PRICKLE1: variants seen among roughly 807,000 people sequenced by gnomAD.
The protein encoded by PRICKLE1 is prickle-like protein 1.
A neutral mutation model predicts 70.2 loss-of-function variants in PRICKLE1; 14 were observed. The ratio of observed to expected loss-of-function variants is 0.20; its 90% CI spans 0.13 to 0.31. The LOEUF (loss-of-function observed/expected upper bound fraction) is 0.31. PRICKLE1 is among the 10% of genes least tolerant of loss of function. The probability of loss-of-function intolerance (pLI) is 1.00; values close to 1 mark genes in which losing one functional copy is unlikely to be tolerated. For synonymous variants in PRICKLE1, 357 were observed against 379.9 expected (o/e 0.94, Z 0.70); for missense variants, 821 against 1,026.2 (o/e 0.80, Z 2.73).
At chr12:42,552,059 CTTTTTTTTT>C (rs201217516) in intron 1 of PRICKLE1, among the ~76,000 whole-genome samples, 9 of 129,242 alleles carry the variant, frequency 7.0e-5, no homozygotes, top group Non-Finnish European at 8.0e-5. Context: ...AAGAAAGTTA[CTTTTTTTTT>C]TTTTTTTTTT....
At chr12:42,505,971 G>A (rs1391843787) in intron 1 of PRICKLE1, among the ~76,000 whole-genome samples, 2 of 152,102 alleles carry the variant, frequency 1.3e-5, no homozygotes, top group Non-Finnish European at 2.9e-5. Flanking sequence ...CATTCACTTT[G>A]GTTACCAGCT....
Position 42,469,494 on chromosome 12 carries a change from T to C in PRICKLE1, c.340A>G (p.Ile114Val). Residue 114 changes from isoleucine to valine, a missense_variant, in exon 4 of 8, where the codon ATT becomes GTT. By Grantham distance (29) the Ile-to-Val change is conservative. Coordinates refer to ENST00000345127, the MANE Select transcript of PRICKLE1 (RefSeq NM_153026.3). ...RKKEALGRGT[I>V]KLLSRAVMHA... ...ATGACTGCTCTGGACAGAAGCTTAATTGTTCCTCTTCCCAGTGCTTCTTTC... is the reference window on the plus strand; with the variant it reads ...ATGACTGCTCTGGACAGAAGCTTAACTGTTCCTCTTCCCAGTGCTTCTTTC... 6.2e-7 allele frequency: 1 copy of C among 1,614,182 alleles called. No homozygotes were observed. The highest frequency in any genetic ancestry group is 8.5e-7 in the Non-Finnish European group (1 of 1,180,038).
intron 1 of PRICKLE1, among the ~76,000 whole-genome samples, chr12:42,520,850 T>C (rs1325131596): frequency 1.3e-5 from 2 of 152,162 alleles, no homozygotes; most frequent in Non-Finnish European, 2.9e-5. Flanking sequence ...TGTGCTCACA[T>C]CTATTGACAG....
At chr12:42,481,395 G>T (rs1430359958) in intron 1 of PRICKLE1, among the ~76,000 whole-genome samples, 1 of 152,152 alleles carries the variant, frequency 6.6e-6, no homozygotes, top group South Asian at 2.1e-4. Context: ...CCATGGCATT[G>T]TAAGATCCCT....
intron 1 of PRICKLE1, among the ~76,000 whole-genome samples, chr12:42,569,957 G>A (rs937594673): frequency 1.1e-4 from 16 of 152,194 alleles, no homozygotes; most frequent in African/African-American, 3.1e-4. Flanking sequence ...AGTGACCCCC[G>A]GCACTTCTTT....
At chr12:42,531,960 G>C (rs1409641539) in intron 1 of PRICKLE1, among the ~76,000 whole-genome samples, 1 of 152,112 alleles carries the variant, frequency 6.6e-6, no homozygotes, top group Non-Finnish European at 1.5e-5. Context: ...GAGTTCAAGA[G>C]CAGTCTGGGC....
intron 1 of PRICKLE1, among the ~76,000 whole-genome samples, chr12:42,540,680 A>T (rs1169927389): frequency 6.6e-6 from 1 of 152,128 alleles, no homozygotes; most frequent in Non-Finnish European, 1.5e-5. Flanking sequence ...CTCCTGCCTC[A>T]GCCTCCCAAG....
intron 1 of PRICKLE1, among the ~76,000 whole-genome samples, chr12:42,492,788 T>C (rs1483641413): frequency 6.6e-6 from 1 of 152,222 alleles, no homozygotes; most frequent in Non-Finnish European, 1.5e-5. Context: ...CTCTTGAACA[T>C]TGAGTCTGCG....
Position 42,589,574 on chromosome 12 carries a change from G to C in PRICKLE1, c.-158C>G, listed in dbSNP as rs1313743784. The C allele has an allele frequency of 1.3e-5, 2 of 154,328 alleles. No homozygotes were observed. Among genetic ancestry groups the C allele is most frequent in the Admixed American group, 1.3e-4 (2 of 15,306 alleles). 9.6% of individuals were successfully genotyped at this position (154,328 alleles called of 1,614,324 possible). ...GCTGCGGTCCGCGGCGTCAGGGGTG[G>C]GCGAGGGTGAGCAGCGCACGAACCA... On this transcript the variant is annotated 5_prime_UTR_variant, in exon 1 of 8. Transcript: ENST00000345127. This position sits in a 1 kb window ranked among gnomAD's most constrained non-coding sequence, Gnocchi z 5.0.
chr12:42,574,008 T>C (rs1005113233), intron 1 of PRICKLE1, among the ~76,000 whole-genome samples: 5 of 152,088 alleles, frequency 3.3e-5, no homozygotes, highest in Non-Finnish European at 1.5e-5. Flanking sequence ...GTTTTCAAGC[T>C]GTGTTCAAGG....
chr12:42,508,275 A>G (rs1939453572), intron 1 of PRICKLE1, among the ~76,000 whole-genome samples: 1 of 152,176 alleles, frequency 6.6e-6, no homozygotes, highest in African/African-American at 2.4e-5. Flanking sequence ...GCTTTATTAT[A>G]TCGGCAATAA....
chr12:42,483,491 G>A (rs1431936901), intron 1 of PRICKLE1: 1 of 152,024 alleles, frequency 6.6e-6, no homozygotes, highest in Admixed American at 6.6e-5. Flanking sequence ...CTGGCGGCCC[G>A]GAGCGGGAGC....
intron 1 of PRICKLE1, among the ~76,000 whole-genome samples, chr12:42,495,400 AAG>A (rs1214248453): frequency 1.4e-4 from 19 of 136,556 alleles, no homozygotes; most frequent in East Asian, 9.4e-4. Context: ...AAAAAAAAAA[AAG>A]AGAGAGAGAG....
chr12:42,523,345 T>G (rs566601410), intron 1 of PRICKLE1, among the ~76,000 whole-genome samples: 1 of 152,374 alleles, frequency 6.6e-6, no homozygotes, highest in Non-Finnish European at 1.5e-5. Context: ...TCTGAATTTT[T>G]CTGCAGCCAA....
intron 1 of PRICKLE1, among the ~76,000 whole-genome samples, chr12:42,535,874 A>G (rs1435092410): frequency 2.0e-5 from 3 of 152,256 alleles, no homozygotes; most frequent in African/African-American, 7.2e-5. Flanking sequence ...TGTTTAATGT[A>G]TATGACGATC....
At chr12:42,468,396 G>T (rs1938184538) in intron 5 of PRICKLE1, among the ~76,000 whole-genome samples, 2 of 152,082 alleles carry the variant, frequency 1.3e-5, no homozygotes, top group Admixed American at 6.5e-5. Flanking sequence ...CTTTCTATCA[G>T]GAAGGTGAAA....
At chr12:42,588,606 C>A (rs1192323371) in intron 1 of PRICKLE1, among the ~76,000 whole-genome samples, 1 of 151,840 alleles carries the variant, frequency 6.6e-6, no homozygotes, top group Middle Eastern at 3.2e-3. Flanking sequence ...AAATCAGCAA[C>A]CAAACGCGTT....
intron 1 of PRICKLE1, among the ~76,000 whole-genome samples, chr12:42,498,382 T>C (rs560283774): frequency 6.6e-6 from 1 of 151,154 alleles, no homozygotes; most frequent in Non-Finnish European, 1.5e-5. Context: ...CCATGTTGTC[T>C]AGCCTGGTAT....
chr12:42,524,521 C>T (rs1453754059), intron 1 of PRICKLE1, among the ~76,000 whole-genome samples: 1 of 152,166 alleles, frequency 6.6e-6, no homozygotes, highest in Non-Finnish European at 1.5e-5. Context: ...TCAAGCGATT[C>T]TCCTGCCAGC....
Sources: gnomAD v4.1 joint callset for allele counts (sites outside exome capture counted in the v4.1 genomes callset) on GRCh38, gnomAD v4.1.1 for gene constraint, Gnocchi (gnomAD v3.1) non-coding constraint, MANE v1.5 for transcripts, NCBI Gene and HGNC (gene_info 2026-07-23, HGNC 2026-07-21) for gene names.